The following PCNX2 variants were observed in gnomAD, a reference collection of about 807,000 sequenced individuals.
The protein encoded by PCNX2 is pecanex 2.
Under a neutral mutation model 223.8 loss-of-function variants are expected in PCNX2, and 168 were observed. That is an observed-to-expected ratio of 0.75 (90% confidence interval 0.66 to 0.85). The LOEUF (loss-of-function observed/expected upper bound fraction) is 0.85. Ranked by LOEUF, PCNX2 falls within the 40% of genes least tolerant of loss-of-function variation. The pLI, the probability that PCNX2 is intolerant of heterozygous loss-of-function variation, is 0.00. For synonymous variants in PCNX2, 1,006 were observed against 1,052.6 expected, an observed-to-expected ratio of 0.96 and a Z score of 0.86; for missense variants, 2,507 against 2,675.5, an observed-to-expected ratio of 0.94 and a Z score of 1.39.
At chr1:233,029,203 C>T (rs182475623) in intron 25 of PCNX2, among the ~76,000 whole-genome samples, 1 of 152,180 alleles carries the variant, frequency 6.6e-6, no homozygotes, top group Admixed American at 6.5e-5. Flanking sequence ...AGCTTTTTAG[C>T]CATACCTCTT....
chr1:233,171,574 G>A (rs892834646), intron 17 of PCNX2, among the ~76,000 whole-genome samples: 1 of 152,118 alleles, frequency 6.6e-6, no homozygotes, highest in Non-Finnish European at 1.5e-5. Context: ...CCATTTGAAT[G>A]AGATCTGTTC....
intron 1 of PCNX2, among the ~76,000 whole-genome samples, chr1:233,267,504 T>A (rs946998414): frequency 1.3e-5 from 2 of 152,032 alleles, no homozygotes; most frequent in East Asian, 1.9e-4. Context: ...CTGTACCCAT[T>A]AAACACTAAC....
At chr1:233,255,360 C>CACATCCGA (rs1005436115) in intron 5 of PCNX2, among the ~76,000 whole-genome samples, 8 of 152,154 alleles carry the variant, frequency 5.3e-5, no homozygotes, top group African/African-American at 1.9e-4. Context: ...CCAATCAGGG[C>CACATCCGA]ACATCCGAAG....
upstream of PCNX2, among the ~76,000 whole-genome samples, chr1:233,297,114 G>T (rs1339205315): frequency 6.6e-6 from 1 of 152,180 alleles, no homozygotes; most frequent in Non-Finnish European, 1.5e-5. Context: ...AACCTACCAG[G>T]TGCTGTATAA....
the PCNX2 span, among the ~76,000 whole-genome samples, chr1:233,325,468 C>T: frequency 2.1e-5 from 3 of 144,234 alleles, no homozygotes; most frequent in Admixed American, 2.1e-4. Flanking sequence ...ACCATCCTGG[C>T]TAACACAGTG....
chr1:233,063,107 C>A (rs943154592), intron 23 of PCNX2, among the ~76,000 whole-genome samples: 9 of 152,014 alleles, frequency 5.9e-5, no homozygotes, highest in Admixed American at 2.0e-4. Context: ...TGTGGTGGCA[C>A]ACCCTTGTAA....
intron 17 of PCNX2, among the ~76,000 whole-genome samples, chr1:233,164,426 T>G (rs1678671971): frequency 6.6e-6 from 1 of 152,160 alleles, no homozygotes. Flanking sequence ...GATCCAGCAA[T>G]TCCACTACTG....
Position 233,000,105 on chromosome 1 carries a change from G to A in PCNX2, c.5328+200C>T, listed in dbSNP as rs1670028080. On this transcript the variant is annotated intron_variant, in intron 30 of 33. Coordinates refer to ENST00000258229, the MANE Select transcript of PCNX2 (RefSeq NM_014801.4). The surrounding 1 kb of genome is among the most constrained non-coding windows in gnomAD (Gnocchi z 4.6). ...GCTCTGTGAGGTGGAGGGTGATCCT[G>A]CCAGGGGAACACAGCACCCAGCCTG... is the stretch of plus-strand genomic sequence containing the variant. Among the ~76,000 whole-genome samples, 2 of 151,422 alleles carry A rather than the reference G, an allele frequency of 1.3e-5. No individual in the cohort carries two copies. The highest frequency in any genetic ancestry group is 2.9e-5 in the Non-Finnish European group (2 of 68,026).
chr1:233,265,584 C>A (rs888303917), intron 1 of PCNX2, among the ~76,000 whole-genome samples: 10 of 152,168 alleles, frequency 6.6e-5, no homozygotes, highest in African/African-American at 2.4e-4. Context: ...ACCTGAGTAA[C>A]TCTGCGGAGC....
intron 15 of PCNX2, among the ~76,000 whole-genome samples, chr1:233,183,394 T>C (rs1679915484): frequency 6.6e-6 from 1 of 152,172 alleles, no homozygotes; most frequent in East Asian, 1.9e-4. Context: ...CTTGCGAGAA[T>C]GACTACAAGG....
intron 25 of PCNX2, among the ~76,000 whole-genome samples, chr1:233,040,006 G>C (rs114820446): frequency 6.6e-6 from 1 of 152,138 alleles, no homozygotes; most frequent in Non-Finnish European, 1.5e-5. Flanking sequence ...TACAAATGCC[G>C]TATCACGTAT....
chr1:233,232,113 T>A (rs1658097486), intron 9 of PCNX2, among the ~76,000 whole-genome samples: 1 of 152,214 alleles, frequency 6.6e-6, no homozygotes, highest in African/African-American at 2.4e-5. Context: ...AAAAGTAGAA[T>A]TATCCTATTA....
In PCNX2 at chr1:232,990,958, GGA is replaced by G. The variant is rs1669677299; in HGVS notation, c.5792-4420_5792-4419del. 1.3e-5 allele frequency among the ~76,000 whole-genome samples: 2 copies of G among 152,230 alleles called. No homozygotes were observed. The highest frequency in any genetic ancestry group is 2.9e-5 in the Non-Finnish European group (2 of 68,032). On this transcript the variant is annotated intron_variant, in intron 32 of 33. Coordinates refer to ENST00000258229, the MANE Select transcript of PCNX2 (RefSeq NM_014801.4). This position sits in a 1 kb window ranked among gnomAD's most constrained non-coding sequence, Gnocchi z 4.3. ...CAGCCCCTCACCTGGCAGGATGTGG[GGA>G]GAGTGGGGAAGAGGGTGGTGTGGTC... is the stretch of plus-strand genomic sequence containing the variant.
At position 233,089,799 on chromosome 1, in the gene PCNX2, G is replaced by A. The variant is rs1673778855; in HGVS notation, c.4076+262C>T. Reference sequence around the variant, plus strand: ...AGGTCACCTACGAAAATTTGGCAGTGATAACTCACTTTTCCTTCACAACTG... The same window carrying A: ...AGGTCACCTACGAAAATTTGGCAGTAATAACTCACTTTTCCTTCACAACTG... On this transcript the variant is annotated intron_variant, in intron 23 of 33. Coordinates refer to ENST00000258229, the MANE Select transcript of PCNX2 (RefSeq NM_014801.4). 3 of 1,122,534 alleles carry A rather than the reference G, an allele frequency of 2.7e-6. No homozygotes were observed. The South Asian group carries it at 7.9e-5, about 30-fold the overall frequency. 69.5% of individuals were successfully genotyped at this position (1,122,534 alleles called of 1,614,324 possible).
chr1:233,037,120 C>T (rs1400569211), intron 25 of PCNX2, among the ~76,000 whole-genome samples: 2 of 152,164 alleles, frequency 1.3e-5, no homozygotes, highest in African/African-American at 4.8e-5. Context: ...GTAATCAATC[C>T]AGTTTAGATT....
chr1:233,143,466 C>T (rs1558276657), intron 19 of PCNX2, among the ~76,000 whole-genome samples: 2 of 152,208 alleles, frequency 1.3e-5, no homozygotes, highest in African/African-American at 4.8e-5. Flanking sequence ...TCAGGAACAG[C>T]AGAGCCAGCA....
intron 26 of PCNX2, among the ~76,000 whole-genome samples, chr1:233,019,418 GA>G (rs1670796907): frequency 6.6e-6 from 1 of 152,190 alleles, no homozygotes; most frequent in Non-Finnish European, 1.5e-5. Flanking sequence ...AAGGAGGAAG[GA>G]AGAGAGGGAG....
At chr1:233,217,189 C>T (rs528827795) in intron 12 of PCNX2, among the ~76,000 whole-genome samples, 41 of 151,696 alleles carry the variant, frequency 2.7e-4, no homozygotes, top group African/African-American at 9.7e-4. Context: ...TACTCAAAAA[C>T]GGCTAAGAGA....
intron 30 of PCNX2, 184 bp from the exon 31 acceptor site, chr1:232,999,563 C>T: frequency 1.6e-6 from 1 of 634,250 alleles, no homozygotes; most frequent in South Asian, 2.2e-5. Flanking sequence ...AAGCAATTCT[C>T]TTGCCTCAGC....
Sources: allele counts gnomAD v4.1 joint callset (sites outside exome capture counted in the v4.1 genomes callset), GRCh38; gene constraint gnomAD v4.1.1; non-coding constraint Gnocchi (gnomAD v3.1); transcripts MANE v1.5; gene names NCBI Gene and HGNC (gene_info 2026-07-23, HGNC 2026-07-21).